The following SYNE2 variants were observed in gnomAD, a reference collection of about 807,000 sequenced individuals.
SYNE2 encodes spectrin repeat containing nuclear envelope protein 2.
Under a neutral mutation model 856.3 loss-of-function variants are expected in SYNE2, and 431 were observed. That is an observed-to-expected ratio of 0.50 (90% CI 0.47 to 0.55). SYNE2 has a LOEUF of 0.55. Ranked by LOEUF, SYNE2 falls within the 20% of genes least tolerant of loss-of-function variation. SYNE2 has a pLI of 0.00. For missense variants in SYNE2, 8,129 were observed against 8,023.2 expected (o/e 1.01, Z -0.50); for synonymous variants, 2,923 against 2,872.3 (o/e 1.02, Z -0.56).
chr14:63,775,020 A>G (rs1025278832), intron 1 of SYNE2, among the ~76,000 whole-genome samples: 2 of 152,218 alleles, frequency 1.3e-5, no homozygotes, highest in South Asian at 4.1e-4. Context: ...CTTGCCGCCC[A>G]AGCTGGAGTG....
At chr14:63,925,848 C>T (rs534379148) in intron 2 of SYNE2, among the ~76,000 whole-genome samples, 24 of 152,052 alleles carry the variant, frequency 1.6e-4, no homozygotes, top group African/African-American at 5.1e-4. Flanking sequence ...GACTCTCATC[C>T]TTTTTTTTCT....
intron 75 of SYNE2, 55 bp downstream of exon 75, chr14:64,129,956 C>G (rs2097996937): frequency 5.0e-6 from 8 of 1,613,842 alleles, no homozygotes; most frequent in Non-Finnish European, 5.9e-6. Context: ...GAGCCAGATC[C>G]TTTTCTTCCA....
intron 1 of SYNE2, among the ~76,000 whole-genome samples, chr14:63,812,746 T>G (rs1350415245): frequency 6.6e-6 from 1 of 152,166 alleles, no homozygotes. Context: ...TTGGGGTCCC[T>G]GACTTCCTGC....
intron 84 of SYNE2, among the ~76,000 whole-genome samples, chr14:64,150,486 G>T (rs1432016197): frequency 1.3e-5 from 2 of 152,006 alleles, no homozygotes; most frequent in Non-Finnish European, 2.9e-5. Flanking sequence ...CTCCCAAAGT[G>T]CTGGGATTAC....
intron 45 of SYNE2, among the ~76,000 whole-genome samples, chr14:64,036,263 C>T (rs2097089540): frequency 6.6e-6 from 1 of 151,066 alleles, no homozygotes; most frequent in African/African-American, 2.4e-5. Flanking sequence ...CTCTTTCAGT[C>T]AAACCAAACC....
At chr14:63,981,296 C>A in intron 16 of SYNE2, 123 bp downstream of exon 16, 2 of 868,448 alleles carry the variant, frequency 2.3e-6, no homozygotes, top group East Asian at 2.5e-5. Context: ...GAAAATTCTT[C>A]AAGGTCTTGG....
chr14:64,004,430 A>G (rs985371606), intron 30 of SYNE2, among the ~76,000 whole-genome samples: 1 of 151,466 alleles, frequency 6.6e-6, no homozygotes, highest in Non-Finnish European at 1.5e-5. Context: ...TCCCAGGTTT[A>G]GGCGATTCTT....
intron 78 of SYNE2, among the ~76,000 whole-genome samples, chr14:64,134,790 A>T (rs2098067736): frequency 6.6e-6 from 1 of 152,024 alleles, no homozygotes; most frequent in Admixed American, 6.6e-5. Flanking sequence ...CAGCCTGGGC[A>T]AAATGGTGAA....
At chr14:63,925,590 C>T (rs2095654801) in intron 2 of SYNE2, among the ~76,000 whole-genome samples, 2 of 152,082 alleles carry the variant, frequency 1.3e-5, no homozygotes, top group African/African-American at 4.8e-5. Flanking sequence ...CTAGCAAATA[C>T]TAGGTCTTCT....
chr14:64,170,551 AT>A, intron 94 of SYNE2, 89 bp downstream of exon 94: 1 of 1,337,552 alleles, frequency 7.5e-7, no homozygotes, highest in Non-Finnish European at 1.0e-6. Context: ...GTTTTTGATG[AT>A]GATGTGATCC....
chr14:63,966,169 G>T lies in SYNE2; in HGVS notation c.991-1540G>T, dbSNP rs576347439. ...CCATTTTGTGAATAAAACGTTATTG[G>T]AACAGAGCCATACCTGTCAGTAGCT... is the stretch of plus-strand genomic sequence containing the variant. On this transcript the variant is annotated intron_variant, in intron 10 of 115. Transcript: ENST00000555002. Among the ~76,000 whole-genome samples the T allele has an allele frequency of 6.8e-4, 103 of 152,118 alleles. 1 individual carries two copies. The South Asian group carries it at 0.018, about 26-fold the overall frequency.
chr14:63,978,808 T>C (rs762647308), intron 13 of SYNE2, 44 bp from the exon 14 acceptor site: 2 of 1,544,800 alleles, frequency 1.3e-6, no homozygotes, highest in Non-Finnish European at 1.8e-6. Context: ...TCACATTTGG[T>C]CAATAATATT....
At chr14:63,805,291 G>C (rs1331025526) in intron 1 of SYNE2, among the ~76,000 whole-genome samples, 2 of 152,160 alleles carry the variant, frequency 1.3e-5, no homozygotes, top group South Asian at 2.1e-4. Flanking sequence ...CATTGAATCT[G>C]TAAATTACTT....
chr14:64,050,017 A>C (rs952024277), intron 47 of SYNE2, 141 bp downstream of exon 47: 1 of 1,081,620 alleles, frequency 9.2e-7, no homozygotes, highest in African/African-American at 1.6e-5. Flanking sequence ...GTTATTTCAT[A>C]TGGATGCTGT....
intron 93 of SYNE2, among the ~76,000 whole-genome samples, 190 bp from the exon 94 acceptor site, chr14:64,170,038 C>T (rs1388732109): frequency 6.6e-6 from 1 of 152,188 alleles, no homozygotes; most frequent in Non-Finnish European, 1.5e-5. Flanking sequence ...CTGCTAAACT[C>T]AGTCTGCATG....
intron 101 of SYNE2, 94 bp from the exon 102 acceptor site, chr14:64,209,334 C>A: frequency 1.3e-6 from 2 of 1,599,456 alleles, no homozygotes; most frequent in Non-Finnish European, 1.7e-6. Flanking sequence ...CAGGGTCTCC[C>A]CCACTAAACC....
chr14:63,843,283 C>T (rs569906270), intron 1 of SYNE2, among the ~76,000 whole-genome samples: 2 of 151,924 alleles, frequency 1.3e-5, no homozygotes, highest in East Asian at 3.9e-4. Context: ...AAACTCCAAG[C>T]GATCCACCTG....
At chr14:64,013,010 C>T (rs1043172087) in intron 32 of SYNE2, among the ~76,000 whole-genome samples, 57 of 152,088 alleles carry the variant, frequency 3.7e-4, no homozygotes, top group Admixed American at 1.6e-3. Context: ...TAATGAAAGA[C>T]AGAAGTGCAA....
intron 99 of SYNE2, among the ~76,000 whole-genome samples, chr14:64,199,246 G>A (rs1330330259): frequency 6.6e-6 from 1 of 152,158 alleles, no homozygotes; most frequent in African/African-American, 2.4e-5. Context: ...TCCAGTATGT[G>A]CATGTTAGTG....
Sources: gnomAD v4.1 joint callset for allele counts (sites outside exome capture counted in the v4.1 genomes callset) on GRCh38, gnomAD v4.1.1 for gene constraint, MANE v1.5 for transcripts, NCBI Gene and HGNC (gene_info 2026-07-23, HGNC 2026-07-21) for gene names.